Variants in NIPBL observed in about 807,000 individuals in gnomAD.
NIPBL encodes nipped-B-like protein.
NIPBL carries 19 observed loss-of-function variants against 321.8 expected under a neutral mutation model. The observed-to-expected ratio is 0.06, with a 90% CI of 0.04 to 0.09. The LOEUF (loss-of-function observed/expected upper bound fraction) is 0.09. Ranked by LOEUF, NIPBL falls within the 10% of genes least tolerant of loss-of-function variation. The pLI, the probability that NIPBL is intolerant of heterozygous loss-of-function variation, is 1.00. For synonymous variants in NIPBL, 1,106 were observed against 1,114.1 expected (o/e 0.99, Z 0.14); for missense variants, 2,210 against 3,327.0 (o/e 0.66, Z 8.26).
At chr5:36,933,343 A>G (rs1389851517) in intron 1 of NIPBL, among the ~76,000 whole-genome samples, 2 of 151,958 alleles carry the variant, frequency 1.3e-5, no homozygotes, top group African/African-American at 4.8e-5. Context: ...ATTTTCTTCT[A>G]CCTTTAAAAT....
chr5:36,989,957 T>A (rs977510892), intron 10 of NIPBL, among the ~76,000 whole-genome samples: 35 of 152,010 alleles, frequency 2.3e-4, no homozygotes, highest in Non-Finnish European at 3.8e-4. Context: ...TTTTTTTTTT[T>A]AACTCCAGAG....
chr5:37,014,337 A>T (rs1279885282), intron 21 of NIPBL, among the ~76,000 whole-genome samples: 1 of 151,664 alleles, frequency 6.6e-6, no homozygotes, highest in Non-Finnish European at 1.5e-5. Context: ...TGTTTCTTAA[A>T]CTTTGAGGTT....
rs372603055 is a variant in NIPBL at position 37,003,732 on chromosome 5, A to G, written c.3855+385A>G. On this transcript the variant is annotated intron_variant, in intron 16 of 46. Coordinates refer to ENST00000282516, the MANE Select transcript of NIPBL (RefSeq NM_133433.4). ...AATTTCACATTTCGTTAATTTGAGCATGTTACCATGAATTACTAGTTACAT... is the reference window on the plus strand; with the variant it reads ...AATTTCACATTTCGTTAATTTGAGCGTGTTACCATGAATTACTAGTTACAT... 9.8e-5 allele frequency among the ~76,000 whole-genome samples: 15 copies of G among 152,306 alleles called. No homozygotes were observed. In the South Asian group the frequency reaches 1.0e-3, roughly 11 times the overall value.
rs536137304 is a variant in NIPBL at position 37,054,101 on chromosome 5, C to A, written c.7263+1535C>A. On this transcript the variant is annotated intron_variant, in intron 42 of 46. Coordinates refer to ENST00000282516, the MANE Select transcript of NIPBL (RefSeq NM_133433.4). Reference sequence around the variant, plus strand: ...ATCCCAGCTACTCAGGAGGCTGAGGCAGGAGAATTGCTTGAACCCAGGAGG... The same window carrying A: ...ATCCCAGCTACTCAGGAGGCTGAGGAAGGAGAATTGCTTGAACCCAGGAGG... Among the ~76,000 whole-genome samples, 17 of 150,102 alleles carry A rather than the reference C, an allele frequency of 1.1e-4. No individual in the cohort carries two copies. In the East Asian group the frequency reaches 3.2e-3, roughly 28 times the overall value.
intron 6 of NIPBL, among the ~76,000 whole-genome samples, chr5:36,966,602 T>A (rs1742236784): frequency 6.6e-6 from 1 of 152,110 alleles, no homozygotes; most frequent in Admixed American, 6.5e-5. Flanking sequence ...AAATATACAA[T>A]TTCCCATTAA....
At chr5:36,972,105 A>T in intron 8 of NIPBL, 64 bp downstream of exon 8, 1 of 1,076,482 alleles carries the variant, frequency 9.3e-7, no homozygotes, top group South Asian at 1.3e-5. Context: ...AAGAACTCAG[A>T]CTTCCTAAAG....
At chr5:36,905,661 T>G (rs1173207213) in intron 1 of NIPBL, among the ~76,000 whole-genome samples, 1 of 152,066 alleles carries the variant, frequency 6.6e-6, no homozygotes, top group African/African-American at 2.4e-5. Context: ...AAAATTTCAG[T>G]GAGATGTTAG....
At chr5:36,918,301 T>G (rs1169092896) in intron 1 of NIPBL, among the ~76,000 whole-genome samples, 1 of 152,130 alleles carries the variant, frequency 6.6e-6, no homozygotes. Context: ...GAGTGGGAGT[T>G]CACTCATGAT....
In NIPBL at chr5:36,976,319, T is replaced by G; in HGVS notation, c.1412T>G (p.Leu471Trp). The change falls in exon 9 of 47, where the codon TTG becomes TGG. Residue 471 changes from leucine (L) to tryptophan (W), a missense_variant. Physicochemically the swap from Leu to Trp is moderately conservative, Grantham distance 61 (BLOSUM62 -2). Transcript: ENST00000282516. Reference sequence around the variant, plus strand: ...GGACCTATATATGATGAAGTGGAATTGGATGCATTGGCTGAAATTGAGCGA... The same window carrying G: ...GGACCTATATATGATGAAGTGGAATGGGATGCATTGGCTGAAATTGAGCGA... ...QQGPIYDEVE[L>W]DALAEIERIE... is the part of the protein sequence containing the mutation. The G allele has an allele frequency of 6.2e-7, 1 of 1,611,914 alleles. No homozygotes were observed. Among genetic ancestry groups the G allele is most frequent in the South Asian group, 1.1e-5 (1 of 91,012 alleles).
At chr5:37,060,136 C>G (rs1384698593) in intron 44 of NIPBL, among the ~76,000 whole-genome samples, 1 of 152,122 alleles carries the variant, frequency 6.6e-6, no homozygotes, top group Non-Finnish European at 1.5e-5. Context: ...GTGGCTAGAG[C>G]TCCCACTTTT....
intron 39 of NIPBL, 131 bp from the exon 40 acceptor site, chr5:37,048,980 G>C (rs1753249393): frequency 2.2e-6 from 2 of 905,664 alleles, no homozygotes; most frequent in Non-Finnish European, 3.6e-6. Context: ...CTCACACACA[G>C]ATTAAGAACC....
intron 7 of NIPBL, among the ~76,000 whole-genome samples, chr5:36,971,253 TA>T (rs1229422021): frequency 4.3e-5 from 6 of 140,036 alleles, no homozygotes; most frequent in Non-Finnish European, 7.7e-5. Context: ...TTTTTACATT[TA>T]TAAAGAGTTA....
intron 10 of NIPBL, chr5:36,995,272 C>G (rs1293381001): frequency 5.0e-6 from 1 of 199,626 alleles, no homozygotes; most frequent in Non-Finnish European, 1.0e-5. Flanking sequence ...TCAAGTGTAC[C>G]TCTTACCACA....
Position 37,002,898 on chromosome 5 carries a change from G to A in NIPBL, c.3768+133G>A, listed in dbSNP as rs376150811. ...GAAAACTCATTGTTGACTTCTGAGA[G>A]TCTAAATGAGTTTTTTTGTTTTTTT... On this transcript the variant is annotated intron_variant, in intron 15 of 46. Transcript: ENST00000282516. 2.1e-4 allele frequency: 130 copies of A among 614,302 alleles called. 1 individual carries two copies. In the African/African-American group the frequency reaches 2.2e-3, roughly 11 times the overall value. The allele number at this position is 614,302 out of a possible 1,614,324, so 38.1% of individuals were successfully genotyped here. A position where few individuals can be genotyped will look rare whatever the true frequency, so the allele number is the denominator to read the frequency against.
intron 20 of NIPBL, 78 bp from the exon 21 acceptor site, chr5:37,010,009 G>T (rs917380071): frequency 8.9e-7 from 1 of 1,128,044 alleles, no homozygotes; most frequent in Non-Finnish European, 1.3e-6. Context: ...ACACAGTATC[G>T]TGAAACTTTC....
chr5:36,984,727 G>C lies in NIPBL; in HGVS notation c.1547G>C (p.Gly516Ala). ...GATTCTTACCCACAGGAGGCTGGGG[G>C]TGCTACAGGAGGTAATAGACCAGCT... ...KQDSYPQEAG[G>A]ATGGNRPASQ... The change falls in exon 10 of 47, where the codon GGT (glycine) becomes GCT (alanine). Residue 516 changes from glycine to alanine, a missense_variant. Coordinates refer to ENST00000282516, the MANE Select transcript of NIPBL (RefSeq NM_133433.4). 3 of 1,612,846 alleles carry C rather than the reference G, an allele frequency of 1.9e-6. No homozygotes were observed. The highest frequency in any genetic ancestry group is 2.5e-6 in the Non-Finnish European group (3 of 1,179,474).
chr5:36,914,621 A>G (rs2149549839), intron 1 of NIPBL, among the ~76,000 whole-genome samples: 1 of 152,322 alleles, frequency 6.6e-6, no homozygotes, highest in East Asian at 1.9e-4. Context: ...CATCTACAAG[A>G]TATCTCATTA....
At chr5:36,995,932 A>C (rs1330322490) in intron 11 of NIPBL, 128 bp downstream of exon 11, 1 of 772,404 alleles carries the variant, frequency 1.3e-6, no homozygotes, top group Middle Eastern at 3.7e-4. Flanking sequence ...CAGTATAGTA[A>C]GTTTTTTTCT....
chr5:36,986,557 A>G (rs1472820373), intron 10 of NIPBL, among the ~76,000 whole-genome samples: 1 of 152,020 alleles, frequency 6.6e-6, no homozygotes. Flanking sequence ...TTACACAGAG[A>G]TAAGTTATTT....
Sources: gnomAD v4.1 joint callset for allele counts (sites outside exome capture counted in the v4.1 genomes callset) on GRCh38, gnomAD v4.1.1 for gene constraint, MANE v1.5 for transcripts, NCBI Gene and HGNC (gene_info 2026-07-23, HGNC 2026-07-21) for gene names.